Variants in ELL observed in about 807,000 individuals in gnomAD.
ELL encodes the protein elongation factor for RNA polymerase II, also known as RNA polymerase II elongation factor ELL.
In ELL, 18 loss-of-function variants were observed where a neutral mutation model predicts 64.0. The ratio of observed to expected loss-of-function variants is 0.28; its 90% CI spans 0.19 to 0.42. The LOEUF (loss-of-function observed/expected upper bound fraction) is 0.42. Ranked by LOEUF, ELL falls within the 10% of genes least tolerant of loss-of-function variation. The pLI is 1.00. For synonymous variants in ELL, 399 were observed against 376.2 expected (o/e 1.06, Z -0.70); for missense variants, 797 against 870.4 (o/e 0.92, Z 1.06).
intron 2 of ELL, among the ~76,000 whole-genome samples, chr19:18,470,157 G>T (rs184437626): frequency 6.6e-4 from 100 of 152,366 alleles, no homozygotes; most frequent in Middle Eastern, 3.4e-3. Flanking sequence ...TCTCTAGAAG[G>T]AGGTTAGCTG....
At position 18,485,802 on chromosome 19, in the gene ELL, C is replaced by G. The variant is rs193267038; in HGVS notation, c.136-12920G>C. Among the ~76,000 whole-genome samples, 402 of 152,124 alleles carry G rather than the reference C, an allele frequency of 2.6e-3. 1 individual carries two copies. Among genetic ancestry groups the G allele is most frequent in the African/African-American group, 8.4e-3 (349 of 41,488 alleles). On this transcript the variant is annotated intron_variant, in intron 1 of 11. Transcript: ENST00000262809. ...GAGATTGAGACCATCCTGGTTAACA[C>G]GGTGAAACCCCATCTCTACTAAAAA...
intron 2 of ELL, among the ~76,000 whole-genome samples, chr19:18,468,524 G>C (rs553464222): frequency 6.6e-6 from 1 of 152,230 alleles, no homozygotes; most frequent in Non-Finnish European, 1.5e-5. Context: ...TGGTGGCCAG[G>C]TGCACAGGTG....
chr19:18,521,856 G>T, intron 1 of ELL, 65 bp downstream of exon 1: 2 of 1,517,740 alleles, frequency 1.3e-6, no homozygotes, highest in East Asian at 2.6e-5. Context: ...CCTCAGTGAG[G>T]GGAGCGCGAG....
intron 3 of ELL, 104 bp from the exon 4 acceptor site, chr19:18,465,679 T>C: frequency 6.7e-7 from 1 of 1,482,522 alleles, no homozygotes; most frequent in South Asian, 1.4e-5. Context: ...GAAAATGGAC[T>C]CTGTCAACAC....
chr19:18,444,917 C>G lies in ELL; in HGVS notation c.1750-49G>C, dbSNP rs1012008348. 11 of 1,563,908 alleles carry G rather than the reference C, an allele frequency of 7.0e-6. No homozygotes were observed. In the Admixed American group the frequency reaches 1.8e-4, roughly 25 times the overall value. ...CAGGACAGAGCCGCCCTGGGTGCTG[C>G]TCCCCGCTGTAAGCAGGCCAGTGTC... On this transcript the variant is annotated intron_variant, in intron 11 of 11. Coordinates refer to ENST00000262809, the MANE Select transcript of ELL (RefSeq NM_006532.4).
Position 18,461,523 on chromosome 19 carries a change from A to C in ELL, c.744+55T>G, listed in dbSNP as rs961143518. ...CCATGCTCTGGCCCATCCCACCCGCACAAGACCATCTGCGGAGACCACTGG... is the reference window on the plus strand; with the variant it reads ...CCATGCTCTGGCCCATCCCACCCGCCCAAGACCATCTGCGGAGACCACTGG... On this transcript the variant is annotated intron_variant, in intron 5 of 11. Transcript: ENST00000262809. The C allele has an allele frequency of 1.6e-5, 25 of 1,549,798 alleles. No homozygotes were observed. In the African/African-American group the frequency reaches 3.0e-4, roughly 18 times the overall value.
In ELL at chr19:18,522,039, T is replaced by C; in HGVS notation, c.17A>G (p.Glu6Gly). 1.9e-6 allele frequency: 3 copies of C among 1,603,246 alleles called. No individual in the cohort carries two copies. The highest frequency in any genetic ancestry group is 1.7e-6 in the Non-Finnish European group (2 of 1,174,004). Residue 6 changes from glutamate to glycine, a missense_variant, in exon 1 of 12, where the codon GAG becomes GGG. Physicochemically the swap from Glu to Gly is moderately conservative, Grantham distance 98 (BLOSUM62 -2). Transcript: ENST00000262809. Reference sequence around the variant, plus strand: ...GCACGACAGCCCGTAGCTCCTATCCTCCTTCAGCGCCGCCATCTTGCGACC... The same window carrying C: ...GCACGACAGCCCGTAGCTCCTATCCCCCTTCAGCGCCGCCATCTTGCGACC... Reference protein sequence around the residue: MAALKEDRSYGLSCGR... With the variant: MAALKGDRSYGLSCGR...
chr19:18,492,270 T>C (rs1177653075), intron 1 of ELL, among the ~76,000 whole-genome samples: 1 of 152,216 alleles, frequency 6.6e-6, no homozygotes, highest in East Asian at 1.9e-4. Flanking sequence ...TGACGCTGCT[T>C]ACAGAGGTCT....
intron 1 of ELL, among the ~76,000 whole-genome samples, chr19:18,475,401 G>A (rs928289827): frequency 5.9e-5 from 9 of 152,166 alleles, no homozygotes; most frequent in Admixed American, 1.3e-4. Context: ...CGTCGTGGGC[G>A]GGAGTGGACA....
chr19:18,461,987 G>C, intron 4 of ELL, 135 bp from the exon 5 acceptor site: 1 of 1,201,786 alleles, frequency 8.3e-7, no homozygotes, highest in African/African-American at 1.5e-5. Context: ...CACAGCAAAA[G>C]CCAGCTTGCT....
chr19:18,499,472 C>T (rs1304647642), intron 1 of ELL, among the ~76,000 whole-genome samples: 1 of 152,128 alleles, frequency 6.6e-6, no homozygotes, highest in Non-Finnish European at 1.5e-5. Flanking sequence ...GGAAATAAAG[C>T]AACATTCTTT....
chr19:18,517,853 C>T lies in ELL; in HGVS notation c.135+4068G>A, dbSNP rs895484786. Reference sequence around the variant, plus strand: ...AGTGAGCTATGATCACACCACTGTACTCCAGCCTGGGTGACAGAGTAAGAC... The same window carrying T: ...AGTGAGCTATGATCACACCACTGTATTCCAGCCTGGGTGACAGAGTAAGAC... On this transcript the variant is annotated intron_variant, in intron 1 of 11. Transcript: ENST00000262809. Among the ~76,000 whole-genome samples the T allele has an allele frequency of 5.4e-5, 8 of 147,772 alleles. No individual in the cohort carries two copies. The East Asian group carries it at 1.6e-3, about 29-fold the overall frequency.
intron 1 of ELL, among the ~76,000 whole-genome samples, chr19:18,516,923 GGA>G (rs1290127016): frequency 6.6e-6 from 1 of 152,102 alleles, no homozygotes; most frequent in Non-Finnish European, 1.5e-5. Flanking sequence ...AGATTCAAAT[GGA>G]GAGAGGCTCT....
At chr19:18,519,930 T>C (rs1028714190) in intron 1 of ELL, among the ~76,000 whole-genome samples, 2 of 152,164 alleles carry the variant, frequency 1.3e-5, no homozygotes, top group African/African-American at 2.4e-5. Flanking sequence ...GCCAGCCAAG[T>C]TGCTCTGGAT....
intron 1 of ELL, among the ~76,000 whole-genome samples, chr19:18,509,639 A>G (rs1376391995): frequency 1.6e-5 from 2 of 123,990 alleles, no homozygotes; most frequent in African/African-American, 7.3e-5. Context: ...ACACACACAC[A>G]CACACACACA....
At chr19:18,454,498 AAAAT>A (rs1361855426) in intron 6 of ELL, among the ~76,000 whole-genome samples, 3 of 151,326 alleles carry the variant, frequency 2.0e-5, no homozygotes, top group East Asian at 3.9e-4. Context: ...ACTCCGTCTC[AAAAT>A]AAATAAAGAA....
intron 1 of ELL, among the ~76,000 whole-genome samples, chr19:18,518,941 A>G (rs1233164429): frequency 6.6e-6 from 1 of 152,178 alleles, no homozygotes; most frequent in Non-Finnish European, 1.5e-5. Flanking sequence ...AGAAAACAGG[A>G]GGGCTTCTAC....
Position 18,450,959 on chromosome 19 carries a change from G to A in ELL, c.983C>T (p.Pro328Leu). The change falls in exon 8 of 12, where the codon CCT becomes CTT. Residue 328 changes from proline to leucine, a missense_variant. Coordinates refer to ENST00000262809, the MANE Select transcript of ELL (RefSeq NM_006532.4). ...GTTGGCTAGGGGGTCGATGAAATCA[G>A]GAGGCTGCAGCCGCTTCTGGAGAGG... ...ASPPQKRLQP[P>L]DFIDPLANKK... The A allele has an allele frequency of 6.6e-7, 1 of 1,524,944 alleles. No homozygotes were observed. Among genetic ancestry groups the A allele is most frequent in the Non-Finnish European group, 8.8e-7 (1 of 1,136,286 alleles). 94.5% of individuals were successfully genotyped at this position (1,524,944 alleles called of 1,614,324 possible).
Position 18,444,582 on chromosome 19 carries a change from G to T in ELL, c.*170C>A. The T allele has an allele frequency of 1.6e-6, 1 of 643,470 alleles. No homozygotes were observed. Among genetic ancestry groups the T allele is most frequent in the Admixed American group, 3.2e-5 (1 of 30,998 alleles). The allele number at this position is 643,470 out of a possible 1,614,324, so 39.9% of individuals were successfully genotyped here. A position where few individuals can be genotyped will look rare whatever the true frequency, so the allele number is the denominator to read the frequency against. On this transcript the variant is annotated 3_prime_UTR_variant, in exon 12 of 12. Coordinates refer to ENST00000262809, the MANE Select transcript of ELL (RefSeq NM_006532.4). ...GCTCAGGAAGCGCAGGGAGGGCCGA[G>T]GTGGGCTTGCAGCCACCCGCCAGGG...
Sources: allele counts gnomAD v4.1 joint callset (sites outside exome capture counted in the v4.1 genomes callset), GRCh38; gene constraint gnomAD v4.1.1; transcripts MANE v1.5; gene names NCBI Gene and HGNC (gene_info 2026-07-23, HGNC 2026-07-21).